TMX4: variants seen among roughly 807,000 people sequenced by gnomAD.
TMX4 encodes the protein thioredoxin related transmembrane protein 4.
TMX4 carries 23 observed loss-of-function variants against 33.3 expected under a neutral mutation model. That is an observed-to-expected ratio of 0.69 (90% CI 0.50 to 0.98). The LOEUF (loss-of-function observed/expected upper bound fraction) is 0.98, where lower values mean the gene tolerates loss of function less well. TMX4 is among the 50% of genes least tolerant of loss of function. The probability of loss-of-function intolerance (pLI) is 0.00; values close to 1 mark genes in which losing one functional copy is unlikely to be tolerated. For synonymous variants in TMX4, 164 were observed against 161.5 expected, an observed-to-expected ratio of 1.02 and a Z score of -0.12; for missense variants, 399 against 448.9, an observed-to-expected ratio of 0.89 and a Z score of 1.01.
chr20:7,977,445 A>G lies in TMX4; in HGVS notation c.*4806T>C, dbSNP rs963245652. The G allele has an allele frequency of 4.6e-5, 7 of 152,248 alleles. No individual in the cohort carries two copies. The highest frequency in any genetic ancestry group is 1.9e-4 in the East Asian group (1 of 5,206). 9.4% of individuals were successfully genotyped at this position (152,248 alleles called of 1,614,324 possible). On this transcript the variant is annotated 3_prime_UTR_variant, in exon 8 of 8. Coordinates refer to ENST00000246024, the MANE Select transcript of TMX4 (RefSeq NM_021156.4). ...AAAACACTTGTATGAAAAGCAATAC[A>G]CCATTTGTTTTTACTTACCAATCAC...
rs1568541313 is a variant in TMX4, at chr20:8,018,514, G to GTCTC, written c.176+923_176+924insGAGA. On this transcript the variant is annotated intron_variant, in intron 1 of 7. Transcript: ENST00000246024. ...AGAGAGAGAGAGAGAGAGAGAGAGA[G>GTCTC]AGAGAGAGAGAGAGTCTGCAAGCCC... Among the ~76,000 whole-genome samples, 30 of 45,746 alleles carry GTCTC rather than the reference G, an allele frequency of 6.6e-4. 4 individuals are homozygous for GTCTC. Among genetic ancestry groups the GTCTC allele is most frequent in the African/African-American group, 2.2e-3 (7 of 3,152 alleles). 30.0% of individuals were successfully genotyped at this position (45,746 alleles called of 152,430 possible). A position where few individuals can be genotyped will look rare whatever the true frequency, so the allele number is the denominator to read the frequency against.
intron 2 of TMX4, among the ~76,000 whole-genome samples, chr20:8,007,723 C>T (rs1285825023): frequency 6.6e-6 from 1 of 152,192 alleles, no homozygotes; most frequent in African/African-American, 2.4e-5. Context: ...GCTCCTCCCA[C>T]AAAGGTTTTT....
intron 4 of TMX4, among the ~76,000 whole-genome samples, chr20:7,998,888 G>GT (rs556225123): frequency 2.8e-4 from 43 of 152,200 alleles, no homozygotes; most frequent in East Asian, 1.4e-3. Context: ...ATGTTGTTGT[G>GT]TTTTTTATCC....
intron 1 of TMX4, among the ~76,000 whole-genome samples, chr20:8,017,501 T>A (rs2050780929): frequency 2.0e-5 from 3 of 152,218 alleles, no homozygotes; most frequent in Admixed American, 2.0e-4. Context: ...CAGATGTTGT[T>A]GGCTCTCCCT....
chr20:8,002,162 A>G (rs765047405), intron 2 of TMX4, among the ~76,000 whole-genome samples: 2 of 152,218 alleles, frequency 1.3e-5, no homozygotes, highest in Non-Finnish European at 2.9e-5. Flanking sequence ...CTGAACACTA[A>G]GTACATATCA....
chr20:7,987,524 C>T, intron 5 of TMX4, 135 bp from the exon 6 acceptor site: 1 of 551,682 alleles, frequency 1.8e-6, no homozygotes, highest in Non-Finnish European at 3.0e-6. Context: ...TCTTAAAGAA[C>T]AAGTCAATTT....
Position 7,987,350 on chromosome 20 carries a change from C to A in TMX4, c.553G>T (p.Ala185Ser), listed in dbSNP as rs376226550. ...NYFTVTLGIP[A>S]WCSYVFFVIA... ...ACGAAAAAGACATAAGAACACCAAG[C>A]AGGAATTCCAAGAGTCACTGTGAAA... Residue 185 changes from alanine to serine, a missense_variant, in exon 6 of 8, where the codon GCT becomes TCT. By Grantham distance (99) the Ala-to-Ser change is moderately conservative. Transcript: ENST00000246024. 8.1e-6 allele frequency: 13 copies of A among 1,596,198 alleles called. No homozygotes were observed. Among genetic ancestry groups the A allele is most frequent in the Non-Finnish European group, 1.1e-5 (13 of 1,175,238 alleles).
At chr20:7,991,595 A>T (rs570962591) in intron 5 of TMX4, among the ~76,000 whole-genome samples, 14 of 152,292 alleles carry the variant, frequency 9.2e-5, no homozygotes, top group South Asian at 6.2e-4. Flanking sequence ...GGGATGCTCA[A>T]CCTATATGCT....
chr20:7,994,234 A>T (rs192426688), intron 5 of TMX4, among the ~76,000 whole-genome samples: 9 of 152,270 alleles, frequency 5.9e-5, no homozygotes, highest in Admixed American at 4.6e-4. Context: ...TTTATATAAC[A>T]TATATATTCT....
In TMX4 at chr20:8,007,958, T is replaced by C. The variant is rs558748343; in HGVS notation, c.292+2242A>G. Among the ~76,000 whole-genome samples the C allele has an allele frequency of 9.8e-5, 15 of 152,358 alleles. No individual in the cohort carries two copies. The East Asian group carries it at 2.9e-3, about 29-fold the overall frequency. ...TCTCCTCCACTAGAATGCAGCTCCATGAGGAGCAAGGCCTCTGTCCTCCTT... is the reference window on the plus strand; with the variant it reads ...TCTCCTCCACTAGAATGCAGCTCCACGAGGAGCAAGGCCTCTGTCCTCCTT... On this transcript the variant is annotated intron_variant, in intron 2 of 7. Transcript: ENST00000246024.
chr20:8,001,594 C>T, intron 2 of TMX4, 53 bp from the exon 3 acceptor site: 1 of 1,491,332 alleles, frequency 6.7e-7, no homozygotes, highest in Non-Finnish European at 9.1e-7. Flanking sequence ...CCAAAAAAAG[C>T]ATTCTTGAGC....
At chr20:8,013,906 G>A (rs2050762658) in intron 1 of TMX4, 1 of 152,090 alleles carries the variant, frequency 6.6e-6, no homozygotes, top group Non-Finnish European at 1.5e-5. Context: ...TCACTTAGTA[G>A]AACTTTGATC....
At chr20:8,018,107 A>C (rs546388846) in intron 1 of TMX4, among the ~76,000 whole-genome samples, 302 of 151,788 alleles carry the variant, frequency 2.0e-3, no homozygotes, top group Non-Finnish European at 3.5e-3. Flanking sequence ...TTGCAATTTA[A>C]ATTGAAAGAA....
Position 8,019,729 on chromosome 20 carries a change from G to C in TMX4, c.-116C>G. ...AAGCGGGAGACGCAAGGGCCACCCC[G>C]CCTACGCCTAGCGGCGCAGACTGGC... On this transcript the variant is annotated 5_prime_UTR_variant, in exon 1 of 8. Transcript: ENST00000246024. 5.5e-6 allele frequency: 5 copies of C among 901,460 alleles called. No homozygotes were observed. The highest frequency in any genetic ancestry group is 7.4e-6 in the Non-Finnish European group (5 of 677,056). 55.8% of individuals were successfully genotyped at this position (901,460 alleles called of 1,614,324 possible). A position where few individuals can be genotyped will look rare whatever the true frequency, so the allele number is the denominator to read the frequency against.
At chr20:7,999,679 A>G in intron 4 of TMX4, 53 bp downstream of exon 4, 1 of 1,571,994 alleles carries the variant, frequency 6.4e-7, no homozygotes, top group Non-Finnish European at 8.6e-7. Flanking sequence ...CAGGCTATTA[A>G]CTTAAAACCT....
chr20:8,005,717 T>C (rs1411235392), intron 2 of TMX4, among the ~76,000 whole-genome samples: 2 of 151,706 alleles, frequency 1.3e-5, no homozygotes, highest in Non-Finnish European at 2.9e-5. Context: ...CGAGAGGACA[T>C]TGAGAGGAGC....
intron 6 of TMX4, among the ~76,000 whole-genome samples, chr20:7,985,255 G>A (rs1472970530): frequency 7.3e-6 from 1 of 137,238 alleles, no homozygotes; most frequent in Non-Finnish European, 1.5e-5. Context: ...ATGTGTGTGT[G>A]TGTATATATA....
rs1182693851 is a variant in TMX4 at position 7,979,398 on chromosome 20, T to C, written c.*2853A>G. On this transcript the variant is annotated 3_prime_UTR_variant, in exon 8 of 8. Coordinates refer to ENST00000246024, the MANE Select transcript of TMX4 (RefSeq NM_021156.4). ...TTAATGGGTCCTCTTCTCCAAGATG[T>C]TTTTCTCCTCACCCTTCAATTTTTT... 2 of 152,128 alleles carry C rather than the reference T, an allele frequency of 1.3e-5. No homozygotes were observed. Among genetic ancestry groups the C allele is most frequent in the African/African-American group, 4.8e-5 (2 of 41,418 alleles). The allele number at this position is 152,128 out of a possible 1,614,324, so 9.4% of individuals were successfully genotyped here. A position where few individuals can be genotyped will look rare whatever the true frequency, so the allele number is the denominator to read the frequency against.
chr20:8,012,854 T>C (rs919249284), intron 1 of TMX4, among the ~76,000 whole-genome samples: 1 of 152,174 alleles, frequency 6.6e-6, no homozygotes, highest in African/African-American at 2.4e-5. Flanking sequence ...TGCTATACAC[T>C]GGTCTGTGGC....
Sources: allele counts gnomAD v4.1 joint callset (sites outside exome capture counted in the v4.1 genomes callset), GRCh38; gene constraint gnomAD v4.1.1; transcripts MANE v1.5; gene names NCBI Gene and HGNC (gene_info 2026-07-23, HGNC 2026-07-21).